UNK: variants seen among roughly 807,000 people sequenced by gnomAD.
UNK encodes unk zinc finger.
In UNK, 32 loss-of-function variants were observed where a neutral mutation model predicts 97.6. The observed-to-expected ratio is 0.33, with a 90% CI of 0.25 to 0.44. The LOEUF (loss-of-function observed/expected upper bound fraction) is 0.44. Ranked by LOEUF, UNK falls within the 20% of genes least tolerant of loss-of-function variation. The pLI is 1.00. For missense variants in UNK, 771 were observed against 1,098.4 expected, an observed-to-expected ratio of 0.70 and a Z score of 4.21; for synonymous variants, 441 against 461.2, an observed-to-expected ratio of 0.96 and a Z score of 0.56.
At position 75,813,901 on chromosome 17, in the gene UNK, G is replaced by C. The variant is rs1431863010; in HGVS notation, c.876+23G>C. On this transcript the variant is annotated intron_variant, in intron 6 of 15. Coordinates refer to ENST00000589666, the MANE Select transcript of UNK (RefSeq NM_001080419.3). ...GAGGTGGGCCCCACAGCAGGGTGGGGGGGTGGCTTTGGGAAGTAAGGAGAG... is the reference window on the plus strand; with the variant it reads ...GAGGTGGGCCCCACAGCAGGGTGGGCGGGTGGCTTTGGGAAGTAAGGAGAG... 5 of 1,545,962 alleles carry C rather than the reference G, an allele frequency of 3.2e-6. No homozygotes were observed. In the South Asian group the frequency reaches 5.9e-5, roughly 18 times the overall value.
chr17:75,822,865 TTC>T (rs759200162), intron 14 of UNK, among the ~76,000 whole-genome samples: 7 of 152,232 alleles, frequency 4.6e-5, no homozygotes, highest in Non-Finnish European at 1.0e-4. Flanking sequence ...AGGCTTCAAA[TTC>T]TCTCTGTGAG....
intron 1 of UNK, among the ~76,000 whole-genome samples, chr17:75,798,191 C>T (rs2061824229): frequency 3.3e-5 from 5 of 152,022 alleles, no homozygotes; most frequent in Admixed American, 3.3e-4. Flanking sequence ...CTGCCTCAGC[C>T]TCCCGAGTAG....
At position 75,817,248 on chromosome 17, in the gene UNK, C is replaced by G; in HGVS notation, c.1105-78C>G. 7.0e-7 allele frequency: 1 copy of G among 1,436,832 alleles called. No homozygotes were observed. Among genetic ancestry groups the G allele is most frequent in the Non-Finnish European group, 9.3e-7 (1 of 1,072,730 alleles). 89.0% of individuals were successfully genotyped at this position (1,436,832 alleles called of 1,614,324 possible). A position where few individuals can be genotyped will look rare whatever the true frequency, so the allele number is the denominator to read the frequency against. ...GAACTGAGCCCCTTGAAGACTCCCT[C>G]TGGAGAGGGTGGAGGATGGGCCACG... On this transcript the variant is annotated intron_variant, in intron 8 of 15. Transcript: ENST00000589666. The surrounding 1 kb of genome is among the most constrained non-coding windows in gnomAD (Gnocchi z 5.8).
At chr17:75,813,992 G>A in intron 6 of UNK, 114 bp downstream of exon 6, 1 of 910,862 alleles carries the variant, frequency 1.1e-6, no homozygotes, top group Non-Finnish European at 1.6e-6. Context: ...AGAGGGACTT[G>A]TGGCCACCAG....
chr17:75,805,972 C>CGTG (rs1486556728), intron 1 of UNK, among the ~76,000 whole-genome samples: 1 of 151,588 alleles, frequency 6.6e-6, no homozygotes, highest in Admixed American at 6.6e-5. Flanking sequence ...GTCCGCTGGG[C>CGTG]GTGGTGGCTC....
At chr17:75,805,241 C>A (rs539620281) in intron 1 of UNK, among the ~76,000 whole-genome samples, 2 of 148,816 alleles carry the variant, frequency 1.3e-5, no homozygotes, top group South Asian at 4.3e-4. Context: ...CCCATCTCTA[C>A]AAAAAATACA....
rs997844832 is a variant in UNK, at chr17:75,813,779, C to T, written c.777C>T (p.Asn259=). ...TGGCCAGGTCGTCTCCATGTCCAAA[C>T]GTCAAGCACGGGGATGAGTGGGGAG... ...KHKYRSSPCP[N]VKHGDEWGDP... Residue 259 remains asparagine, a synonymous_variant, in exon 6 of 16, where the codon AAC becomes AAT. Coordinates refer to ENST00000589666, the MANE Select transcript of UNK (RefSeq NM_001080419.3). The T allele has an allele frequency of 2.5e-6, 4 of 1,596,806 alleles. No homozygotes were observed. The highest frequency in any genetic ancestry group is 2.7e-5 in the African/African-American group (2 of 74,596).
At chr17:75,813,961 C>G in intron 6 of UNK, 83 bp downstream of exon 6, 1 of 1,246,418 alleles carries the variant, frequency 8.0e-7, no homozygotes, top group Non-Finnish European at 1.1e-6. Context: ...TTGGCAGAAC[C>G]CATCCTGATG....
chr17:75,789,461 C>T (rs957699154), intron 1 of UNK, among the ~76,000 whole-genome samples: 3 of 152,066 alleles, frequency 2.0e-5, no homozygotes, highest in African/African-American at 4.8e-5. Flanking sequence ...CTCAGCCTCC[C>T]CAGTAGCTGG....
rs2143835487 is a variant in UNK at position 75,823,278 on chromosome 17, G to T, written c.2033G>T (p.Trp678Leu). The T allele has an allele frequency of 6.2e-7, 1 of 1,602,688 alleles. No homozygotes were observed. The highest frequency in any genetic ancestry group is 8.5e-7 in the Non-Finnish European group (1 of 1,172,442). Residue 678 changes from tryptophan (W) to leucine (L), a missense_variant, in exon 15 of 16, where the codon TGG becomes TTG. Physicochemically the swap from Trp to Leu is moderately conservative, Grantham distance 61. Transcript: ENST00000589666. Reference sequence around the variant, plus strand: ...CTGGCCCCACAGGCTTGTGATGCCTGGAAGAAAGAGGCGGAGGAGGCTGGT... The same window carrying T: ...CTGGCCCCACAGGCTTGTGATGCCTTGAAGAAAGAGGCGGAGGAGGCTGGT... ...WKQAKQACDA[W>L]KKEAEEAGER...
intron 1 of UNK, chr17:75,792,540 T>C (rs1471539866): frequency 1.0e-6 from 1 of 954,492 alleles, no homozygotes; most frequent in Non-Finnish European, 1.2e-6. Context: ...TTGCTAACAA[T>C]GCCAAGAATT....
Position 75,824,413 on chromosome 17 carries a change from C to A in UNK, c.2429C>A (p.Ser810Ter), listed in dbSNP as rs772068812. The A allele has an allele frequency of 6.5e-7, 1 of 1,528,804 alleles. No individual in the cohort carries two copies. The highest frequency in any genetic ancestry group is 1.2e-5 in the South Asian group (1 of 84,394). 94.7% of individuals were successfully genotyped at this position (1,528,804 alleles called of 1,614,324 possible). Residue 810 changes from serine (S) to a stop codon, truncating the protein, a stop_gained, in exon 16 of 16, where the codon TCG becomes TAG. Transcript: ENST00000589666. LOFTEE classifies it high-confidence loss of function. The surrounding 1 kb of genome is among the most constrained non-coding windows in gnomAD (Gnocchi z 4.9). Reference sequence around the variant, plus strand: ...CCTGGCCGGGCCCACACCCTCCAGTCGTGACCCTGCAGGCCTGGCCCAGCC... The same window carrying A: ...CCTGGCCGGGCCCACACCCTCCAGTAGTGACCCTGCAGGCCTGGCCCAGCC... The part of the protein sequence containing the change: ...CQPGRAHTLQ[S>*]
intron 1 of UNK, among the ~76,000 whole-genome samples, chr17:75,786,630 G>T (rs1035609153): frequency 2.0e-5 from 3 of 152,108 alleles, no homozygotes; most frequent in South Asian, 2.1e-4. Flanking sequence ...AGGCCGAGGC[G>T]GATCGCATGA....
chr17:75,810,395 G>T lies in UNK; in HGVS notation c.314+426G>T, dbSNP rs115358851. Among the ~76,000 whole-genome samples, 915 of 152,028 alleles carry T rather than the reference G, an allele frequency of 6.0e-3. 7 individuals are homozygous for T. The highest frequency in any genetic ancestry group is 0.021 in the African/African-American group (859 of 41,386). ...GCACAGCACTGACAGACACAGGGAG[G>T]TGCCACACCTGGGAGTGTCGCACTA... On this transcript the variant is annotated intron_variant, in intron 2 of 15. Transcript: ENST00000589666.
chr17:75,825,057 T>C lies in UNK; in HGVS notation c.*640T>C, dbSNP rs2062106472. 1 of 152,112 alleles carries C rather than the reference T, an allele frequency of 6.6e-6. No homozygotes were observed. The allele number at this position is 152,112 out of a possible 1,614,324, so 9.4% of individuals were successfully genotyped here. On this transcript the variant is annotated 3_prime_UTR_variant, in exon 16 of 16. Transcript: ENST00000589666. This position sits in a 1 kb window ranked among gnomAD's most constrained non-coding sequence, Gnocchi z 4.4. Reference sequence around the variant, plus strand: ...AGCTCCTAAGTTTACCAAATGTTAATTTAGTCTTGGGGAGAACAGCAAGGG... The same window carrying C: ...AGCTCCTAAGTTTACCAAATGTTAACTTAGTCTTGGGGAGAACAGCAAGGG...
At chr17:75,815,125 TC>T (rs1567806311) in intron 6 of UNK, 43 bp from the exon 7 acceptor site, 1 of 1,578,854 alleles carries the variant, frequency 6.3e-7, no homozygotes. Flanking sequence ...TGCCCGGCCT[TC>T]CCTCAGGGCC....
rs1751202258 is a variant in UNK, at chr17:75,793,967, T to A, written c.104+8983T>A. ...CATTTATTAATTTTGGTAAGAACAT[T>A]ACTATACGTTTCTGATGTCACTTTT... On this transcript the variant is annotated intron_variant, in intron 1 of 15. Transcript: ENST00000589666. 14 of 985,296 alleles carry A rather than the reference T, an allele frequency of 1.4e-5. No homozygotes were observed. The South Asian group carries it at 6.6e-4, about 46-fold the overall frequency. 61.0% of individuals were successfully genotyped at this position (985,296 alleles called of 1,614,324 possible). A position where few individuals can be genotyped will look rare whatever the true frequency, so the allele number is the denominator to read the frequency against.
rs1431064396 is a variant in UNK at position 75,812,730 on chromosome 17, G to A, written c.622+145G>A. ...CCACCCTACACCCACCATTCAAAAG[G>A]CGCCTCTAGGGGCGTTTTCCCTGAC... On this transcript the variant is annotated intron_variant, in intron 4 of 15. Coordinates refer to ENST00000589666, the MANE Select transcript of UNK (RefSeq NM_001080419.3). The A allele has an allele frequency of 5.4e-6, 7 of 1,303,914 alleles. No individual in the cohort carries two copies. The East Asian group carries it at 7.6e-5, about 14-fold the overall frequency. 80.8% of individuals were successfully genotyped at this position (1,303,914 alleles called of 1,614,324 possible). A position where few individuals can be genotyped will look rare whatever the true frequency, so the allele number is the denominator to read the frequency against.
intron 1 of UNK, among the ~76,000 whole-genome samples, chr17:75,802,053 G>A (rs1372579569): frequency 2.0e-5 from 3 of 151,722 alleles, no homozygotes; most frequent in South Asian, 2.1e-4. Flanking sequence ...TCTCCATGTT[G>A]GCCAGGCTGG....
Sources: gnomAD v4.1 joint callset for allele counts (sites outside exome capture counted in the v4.1 genomes callset) on GRCh38, gnomAD v4.1.1 for gene constraint, Gnocchi (gnomAD v3.1) non-coding constraint, MANE v1.5 for transcripts, NCBI Gene and HGNC (gene_info 2026-07-23, HGNC 2026-07-21) for gene names.